BCAR1: variants seen among roughly 807,000 people sequenced by gnomAD.
BCAR1 encodes breast cancer anti-estrogen resistance protein 1.
Under a neutral mutation model 67.6 loss-of-function variants are expected in BCAR1, and 30 were observed. The observed-to-expected ratio is 0.44, with a 90% CI of 0.33 to 0.60. BCAR1 has a LOEUF of 0.60. Ranked by LOEUF, BCAR1 falls within the 20% of genes least tolerant of loss-of-function variation. The pLI is 0.02. For synonymous variants in BCAR1, 626 were observed against 556.7 expected, an observed-to-expected ratio of 1.12 and a Z score of -1.75; for missense variants, 1,313 against 1,222.3, an observed-to-expected ratio of 1.07 and a Z score of -1.11.
rs528049161 is a variant in BCAR1, at chr16:75,234,134, C to G, written c.2011-199G>C. ...ACACAAGCACACGTGAACACACACA[C>G]AGACTGGCACGTGCAGGGGCAGGCA... On this transcript the variant is annotated intron_variant, in intron 5 of 6. Transcript: ENST00000162330. Among the ~76,000 whole-genome samples the G allele has an allele frequency of 2.0e-5, 3 of 151,040 alleles. No homozygotes were observed. In the East Asian group the frequency reaches 5.9e-4, roughly 30 times the overall value.
chr16:75,235,190 C>G lies in BCAR1; in HGVS notation c.1709G>C (p.Gly570Ala). The G allele has an allele frequency of 6.2e-7, 1 of 1,608,460 alleles. No homozygotes were observed. The highest frequency in any genetic ancestry group is 8.5e-7 in the Non-Finnish European group (1 of 1,179,038). ...QALDAGRGGS[G>A]ATLEDLDRLV... Reference sequence around the variant, plus strand: ...CCGGTCCAGGTCCTCAAGGGTGGCTCCAGAGCCTCCCCGGCCAGCGTCGAG... The same window carrying G: ...CCGGTCCAGGTCCTCAAGGGTGGCTGCAGAGCCTCCCCGGCCAGCGTCGAG... The change falls in exon 5 of 7, where the codon GGA becomes GCA. Residue 570 changes from glycine (G) to alanine (A), a missense_variant. Transcript: ENST00000162330.
Position 75,228,611 on chromosome 16 carries a change from G to A in BCAR1, c.*900C>T, listed in dbSNP as rs2076785236. The A allele has an allele frequency of 6.6e-6, 1 of 152,328 alleles. No individual in the cohort carries two copies. The highest frequency in any genetic ancestry group is 1.5e-5 in the Non-Finnish European group (1 of 68,114). 9.4% of individuals were successfully genotyped at this position (152,328 alleles called of 1,614,324 possible). The stretch of plus-strand genomic sequence containing the variant: ...TCTTTTAAGCAGAGCTCTGGATGCA[G>A]CCCCCAGCGGTGCCCTCGGCTCACA... On this transcript the variant is annotated 3_prime_UTR_variant, in exon 7 of 7. Coordinates refer to ENST00000162330, the MANE Select transcript of BCAR1 (RefSeq NM_014567.5).
chr16:75,229,568 C>T lies in BCAR1; in HGVS notation c.2556G>A (p.Glu852=), dbSNP rs777459699. The part of the protein sequence containing the change: ...AAQDMVERVK[E]LGHSTQQFRR... ...GGAACTGCTGGGTGCTGTGGCCCAG[C>T]TCCTTGACCCTCTCCACCATGTCCT... is the stretch of plus-strand genomic sequence containing the variant. The change falls in exon 7 of 7, where the codon GAG becomes GAA. Residue 852 remains glutamate, a synonymous_variant. Coordinates refer to ENST00000162330, the MANE Select transcript of BCAR1 (RefSeq NM_014567.5). 5 of 1,608,542 alleles carry T rather than the reference C, an allele frequency of 3.1e-6. No homozygotes were observed. Among genetic ancestry groups the T allele is most frequent in the Non-Finnish European group, 4.2e-6 (5 of 1,178,390 alleles).
chr16:75,236,942 C>T lies in BCAR1; in HGVS notation c.852G>A (p.Leu284=). Residue 284 remains leucine (L), a synonymous_variant, in exon 4 of 7, where the codon CTG becomes CTA. Transcript: ENST00000162330. ...CACTGGGGGGCACGTCATACACCTC[C>T]AGCAACGGGTCTCGGCCATTGGGAC... ...VKGPNGRDPL[L]EVYDVPPSVE... is the part of the protein sequence containing the mutation. The T allele has an allele frequency of 6.2e-7, 1 of 1,612,562 alleles. No individual in the cohort carries two copies. The highest frequency in any genetic ancestry group is 8.5e-7 in the Non-Finnish European group (1 of 1,179,446).
rs1305374649 is a variant in BCAR1 at position 75,229,761 on chromosome 16, C to T, written c.2363G>A (p.Ser788Asn). 1 of 1,613,472 alleles carries T rather than the reference C, an allele frequency of 6.2e-7. No individual in the cohort carries two copies. ...CCCGATGAACACCAGCTTGTGGGCG[C>T]TGAGGATGACGAACTTGCTGTGCGC... ...FVAHSKFVILSAHKLVFIGDT... is the reference protein window; with the variant it reads ...FVAHSKFVILNAHKLVFIGDT... Residue 788 changes from serine to asparagine, a missense_variant, in exon 7 of 7, where the codon AGC (serine) becomes AAC (asparagine). Around this residue, in one of 2 missense-constraint regions of BCAR1, gnomAD observed 1,272 missense variants for 1,137.5 expected, o/e 1.12. Coordinates refer to ENST00000162330, the MANE Select transcript of BCAR1 (RefSeq NM_014567.5).
At chr16:75,247,870 C>T (rs1316106335) in intron 1 of BCAR1, 2 of 639,150 alleles carry the variant, frequency 3.1e-6, no homozygotes, top group African/African-American at 1.8e-5. Flanking sequence ...ATGGCAAGAA[C>T]TCCTGTTCTC....
chr16:75,263,732 A>G (rs2077951921), intron 1 of BCAR1: 1 of 985,658 alleles, frequency 1.0e-6, no homozygotes. Context: ...GACTGCCCAA[A>G]TGGATGGGTG....
chr16:75,261,228 TTGACC>T (rs1487182307), intron 1 of BCAR1, among the ~76,000 whole-genome samples: 1 of 152,198 alleles, frequency 6.6e-6, no homozygotes, highest in East Asian at 1.9e-4. Context: ...ACAATGGGGC[TTGACC>T]TGGAGGACAC....
In BCAR1 at chr16:75,256,978, G is replaced by A. The variant is rs536706466; in HGVS notation, c.66+10937C>T. Among the ~76,000 whole-genome samples, 129 of 152,228 alleles carry A rather than the reference G, an allele frequency of 8.5e-4. 1 individual carries two copies. In the South Asian group the frequency reaches 0.011, roughly 12 times the overall value. ...CACCAGGTCCTCCTCCTGAATCTGC[G>A]CCCTATGGCAGAGGCAGCCCCTCAG... On this transcript the variant is annotated intron_variant, in intron 1 of 6. Coordinates refer to the BCAR1 transcript ENST00000393422.
Position 75,234,882 on chromosome 16 carries a change from C to A in BCAR1, c.2010+7G>T, listed in dbSNP as rs772150390. ...AGAGGAGCCGGGGCTGGGCAGGCGGCACCCACCTGTAGGTGGACGTAGTCA... is the reference window on the plus strand; with the variant it reads ...AGAGGAGCCGGGGCTGGGCAGGCGGAACCCACCTGTAGGTGGACGTAGTCA... On this transcript the variant is annotated splice_region_variant and intron_variant, in intron 5 of 6. Coordinates refer to ENST00000162330, the MANE Select transcript of BCAR1 (RefSeq NM_014567.5). 1 of 1,524,076 alleles carries A rather than the reference C, an allele frequency of 6.6e-7. No homozygotes were observed. Among genetic ancestry groups the A allele is most frequent in the Non-Finnish European group, 8.8e-7 (1 of 1,133,652 alleles). 94.4% of individuals were successfully genotyped at this position (1,524,076 alleles called of 1,614,324 possible).
At chr16:75,267,995 CT>C in exon 1 of BCAR1, 1 of 1,556,458 alleles carries the variant, frequency 6.4e-7, no homozygotes, top group South Asian at 1.2e-5. Context: ...TCTCCTGACA[CT>C]ACCAGGTGTC....
At chr16:75,254,925 C>T (rs1042178376), upstream of BCAR1, among the ~76,000 whole-genome samples, 6 of 152,314 alleles carry the variant, frequency 3.9e-5, no homozygotes, top group African/African-American at 7.2e-5. Flanking sequence ...GATAGGGTTC[C>T]TGCTCTTTGG....
chr16:75,251,376 C>G (rs2050747495), intron 1 of BCAR1, 95 bp downstream of exon 1: 2 of 1,437,174 alleles, frequency 1.4e-6, no homozygotes, highest in Non-Finnish European at 1.8e-6. Flanking sequence ...TCCCAGGCCC[C>G]GCAGGTCCGG....
intron 6 of BCAR1, 143 bp downstream of exon 6, chr16:75,233,703 G>A (rs548694717): frequency 2.8e-6 from 2 of 722,682 alleles, no homozygotes; most frequent in Non-Finnish European, 4.5e-6. Flanking sequence ...CAGGAGGCAG[G>A]GGGGTGGCAG....
intron 1 of BCAR1, chr16:75,263,972 C>T (rs964726983): frequency 3.5e-6 from 4 of 1,158,404 alleles, no homozygotes; most frequent in Admixed American, 4.5e-5. Context: ...CAGCCAGCCA[C>T]GTAGGGGGCA....
intron 1 of BCAR1, chr16:75,266,461 C>T (rs1183777809): frequency 1.2e-5 from 4 of 322,872 alleles, no homozygotes; most frequent in Non-Finnish European, 1.7e-5. Flanking sequence ...GTCCCTGTAA[C>T]CCCCACTCCT....
At chr16:75,260,398 G>A (rs964665002) in intron 1 of BCAR1, among the ~76,000 whole-genome samples, 7 of 152,026 alleles carry the variant, frequency 4.6e-5, no homozygotes, top group African/African-American at 1.4e-4. Context: ...CAGCACTTCA[G>A]GAGGCGGAGG....
chr16:75,229,019 C>T lies in BCAR1; in HGVS notation c.*492G>A, dbSNP rs2076798775. 1 of 153,142 alleles carries T rather than the reference C, an allele frequency of 6.5e-6. No homozygotes were observed. The highest frequency in any genetic ancestry group is 2.4e-5 in the African/African-American group (1 of 41,494). 9.5% of individuals were successfully genotyped at this position (153,142 alleles called of 1,614,324 possible). ...ACCCCGGGCTGCTCTCATCTGCCAC[C>T]CTCAGGCAGCTGCTCTTCCTTTTAA... On this transcript the variant is annotated 3_prime_UTR_variant, in exon 7 of 7. Coordinates refer to ENST00000162330, the MANE Select transcript of BCAR1 (RefSeq NM_014567.5).
At chr16:75,267,841 G>C in intron 1 of BCAR1, 2 of 1,486,090 alleles carry the variant, frequency 1.3e-6, no homozygotes, top group Non-Finnish European at 1.8e-6. Flanking sequence ...CGCCCCAGGG[G>C]CTGCTTATTT....
Sources: allele counts gnomAD v4.1 joint callset (sites outside exome capture counted in the v4.1 genomes callset), GRCh38; gene constraint gnomAD v4.1.1; regional missense constraint gnomAD v4.1.1; transcripts MANE v1.5; gene names NCBI Gene and HGNC (gene_info 2026-07-23, HGNC 2026-07-21).